PXDNL: variants seen among roughly 807,000 people sequenced by gnomAD.
PXDNL encodes peroxidasin like, also known as probable oxidoreductase PXDNL.
PXDNL carries 145 observed loss-of-function variants against 150.8 expected under a neutral mutation model. The observed-to-expected ratio is 0.96, with a 90% CI of 0.84 to 1.10. The LOEUF is 1.10. PXDNL is among the 50% of genes least tolerant of loss of function. The probability of loss-of-function intolerance (pLI) is 0.00; values close to 1 mark genes in which losing one functional copy is unlikely to be tolerated. For synonymous variants in PXDNL, 757 were observed against 725.7 expected (o/e 1.04, Z -0.69); for missense variants, 2,087 against 1,873.9 (o/e 1.11, Z -2.10).
intron 4 of PXDNL, among the ~76,000 whole-genome samples, chr8:51,530,561 C>T (rs1811877308): frequency 6.6e-6 from 1 of 152,160 alleles, no homozygotes; most frequent in African/African-American, 2.4e-5. Flanking sequence ...CCCGGACTGC[C>T]CACTGCTGCT....
rs141672902 is a variant in PXDNL at position 51,522,006 on chromosome 8, G to A, written c.381-22236C>T. 2.5e-3 allele frequency among the ~76,000 whole-genome samples: 387 copies of A among 152,166 alleles called. 2 individuals carry two copies. The highest frequency in any genetic ancestry group is 8.8e-3 in the African/African-American group (364 of 41,534). The stretch of plus-strand genomic sequence containing the variant: ...TAAACATAACTAAGAAAATTCTTCC[G>A]GCAGAAAGAAATGCAATAGGTCAGA... On this transcript the variant is annotated intron_variant, in intron 4 of 22. Coordinates refer to ENST00000356297, the MANE Select transcript of PXDNL (RefSeq NM_144651.5).
intron 19 of PXDNL, among the ~76,000 whole-genome samples, chr8:51,352,715 G>A (rs1806389658): frequency 1.3e-5 from 2 of 151,872 alleles, no homozygotes; most frequent in Non-Finnish European, 2.9e-5. Flanking sequence ...TCCAATCTCA[G>A]GTAGTACCTC....
chr8:51,618,958 T>A (rs1189373782), intron 2 of PXDNL, among the ~76,000 whole-genome samples: 2 of 152,204 alleles, frequency 1.3e-5, no homozygotes, highest in African/African-American at 4.8e-5. Flanking sequence ...TTTCAAGAAG[T>A]ATTTCTAGAC....
chr8:51,321,205 T>C, intron 21 of PXDNL: 1 of 228,120 alleles, frequency 4.4e-6, no homozygotes, highest in Non-Finnish European at 8.4e-6. Flanking sequence ...ATTTGGAAAA[T>C]CTTCTCAATA....
At chr8:51,364,838 G>A (rs1298304433) in intron 19 of PXDNL, among the ~76,000 whole-genome samples, 1 of 152,200 alleles carries the variant, frequency 6.6e-6, no homozygotes, top group African/African-American at 2.4e-5. Flanking sequence ...TTTTCCCATG[G>A]TTTGGAGTAA....
At chr8:51,595,045 C>T (rs1813534445) in intron 2 of PXDNL, among the ~76,000 whole-genome samples, 1 of 152,002 alleles carries the variant, frequency 6.6e-6, no homozygotes, top group Non-Finnish European at 1.5e-5. Context: ...AAAAAAGAGG[C>T]AAGCAAAACT....
At chr8:51,592,792 A>G (rs1048828702) in intron 2 of PXDNL, 94 bp from the exon 3 acceptor site, 2 of 784,476 alleles carry the variant, frequency 2.5e-6, no homozygotes, top group Non-Finnish European at 3.7e-6. Flanking sequence ...TTTACACAAC[A>G]GAAAAATATT....
intron 17 of PXDNL, among the ~76,000 whole-genome samples, chr8:51,382,785 C>T (rs895267116): frequency 8.6e-5 from 13 of 152,046 alleles, no homozygotes; most frequent in Admixed American, 6.6e-5. Flanking sequence ...CAGAAAGTTA[C>T]ATAGGGTCAG....
chr8:51,639,184 T>C (rs1814681006), intron 2 of PXDNL, among the ~76,000 whole-genome samples: 1 of 152,200 alleles, frequency 6.6e-6, no homozygotes. Context: ...CCAGAATCTC[T>C]GGGACACATT....
intron 10 of PXDNL, among the ~76,000 whole-genome samples, chr8:51,453,068 G>A (rs1809846060): frequency 6.6e-6 from 1 of 152,076 alleles, no homozygotes; most frequent in African/African-American, 2.4e-5. Flanking sequence ...ATTAATTTCT[G>A]GATTCAGAAT....
At chr8:51,623,714 C>T (rs1357453352) in intron 2 of PXDNL, among the ~76,000 whole-genome samples, 1 of 152,182 alleles carries the variant, frequency 6.6e-6, no homozygotes, top group Non-Finnish European at 1.5e-5. Context: ...CTCCCTTTCT[C>T]ACACTGTTAT....
At chr8:51,361,693 GGCTCACGCCTGTAATCTCA>G (rs1806743432) in intron 19 of PXDNL, among the ~76,000 whole-genome samples, 1 of 152,074 alleles carries the variant, frequency 6.6e-6, no homozygotes, top group Non-Finnish European at 1.5e-5. Flanking sequence ...TAGGTGCAGT[GGCTCACGCCTGTAATCTCA>G]GCACTTTGAG....
chr8:51,374,513 T>A, intron 18 of PXDNL, 84 bp downstream of exon 18: 1 of 1,395,832 alleles, frequency 7.2e-7, no homozygotes, highest in Non-Finnish European at 1.0e-6. Context: ...ATCATAAAAA[T>A]ATGAATCACA....
At chr8:51,659,285 T>C (rs1258983835) in intron 1 of PXDNL, among the ~76,000 whole-genome samples, 2 of 152,184 alleles carry the variant, frequency 1.3e-5, no homozygotes, top group Non-Finnish European at 1.5e-5. Context: ...TGTACCAAGA[T>C]AAAAGTTGGG....
intron 1 of PXDNL, among the ~76,000 whole-genome samples, chr8:51,795,931 C>T (rs559798839): frequency 3.2e-4 from 49 of 152,138 alleles, no homozygotes; most frequent in Non-Finnish European, 5.9e-4. Context: ...ATCGTGCACC[C>T]GCAAATGATC....
chr8:51,608,050 AAAGAAAGCAAGC>A (rs1289703703), intron 2 of PXDNL, among the ~76,000 whole-genome samples: 434 of 124,498 alleles, frequency 3.5e-3, no homozygotes, highest in Admixed American at 7.3e-3. Context: ...AGAAAGAAAG[AAAGAAAGCAAGC>A]AAGCAAGCAA....
At chr8:51,438,742 C>T (rs113954539) in intron 12 of PXDNL, among the ~76,000 whole-genome samples, 3 of 152,066 alleles carry the variant, frequency 2.0e-5, no homozygotes, top group African/African-American at 7.2e-5. Context: ...ACCAATGGAA[C>T]AGAATAGAGA....
intron 1 of PXDNL, among the ~76,000 whole-genome samples, chr8:51,752,962 G>A (rs2037060988): frequency 6.6e-6 from 1 of 152,234 alleles, no homozygotes; most frequent in African/African-American, 2.4e-5. Flanking sequence ...TCAAGACCAA[G>A]GTGTCTGCCA....
intron 1 of PXDNL, among the ~76,000 whole-genome samples, chr8:51,660,071 G>T (rs1815239963): frequency 6.6e-6 from 1 of 151,922 alleles, no homozygotes; most frequent in South Asian, 2.1e-4. Context: ...TGTACTTTTA[G>T]TAGAGACAGG....
Sources: allele counts gnomAD v4.1 joint callset (sites outside exome capture counted in the v4.1 genomes callset), GRCh38; gene constraint gnomAD v4.1.1; transcripts MANE v1.5; gene names NCBI Gene and HGNC (gene_info 2026-07-23, HGNC 2026-07-21).